Variants in UTRN observed in about 807,000 individuals in gnomAD.
The protein encoded by UTRN is utrophin, also known as dystrophin-related protein 1.
A neutral mutation model predicts 463.9 loss-of-function variants in UTRN; 283 were observed. The observed-to-expected ratio is 0.61, with a 90% confidence interval of 0.55 to 0.67. UTRN has a LOEUF of 0.67. Ranked by LOEUF, UTRN falls within the 30% of genes least tolerant of loss-of-function variation. The pLI is 0.00. For synonymous variants in UTRN, 1,442 were observed against 1,431.5 expected, an observed-to-expected ratio of 1.01 and a Z score of -0.17; for missense variants, 3,922 against 4,084.3, an observed-to-expected ratio of 0.96 and a Z score of 1.08.
intron 51 of UTRN, among the ~76,000 whole-genome samples, chr6:144,656,818 T>A (rs1350414819): frequency 6.6e-6 from 1 of 152,242 alleles, no homozygotes; most frequent in African/African-American, 2.4e-5. Flanking sequence ...GTTGCTTTCT[T>A]GTGTTTTAGT....
intron 55 of UTRN, among the ~76,000 whole-genome samples, chr6:144,749,257 G>T (rs1335874018): frequency 2.6e-5 from 4 of 152,106 alleles, no homozygotes; most frequent in Admixed American, 2.6e-4. Context: ...CTCATTGACA[G>T]TGTAGTCAGA....
At chr6:144,792,621 T>A (rs758875038) in intron 62 of UTRN, among the ~76,000 whole-genome samples, 19 of 152,168 alleles carry the variant, frequency 1.2e-4, no homozygotes, top group Non-Finnish European at 2.6e-4. Context: ...AGTTTTAGAA[T>A]CCAATAAATA....
intron 36 of UTRN, 100 bp downstream of exon 36, chr6:144,514,137 C>A: frequency 6.9e-7 from 1 of 1,453,142 alleles, no homozygotes. Flanking sequence ...CTCATTCCTC[C>A]CAAGCATTAG....
At chr6:144,344,286 G>T (rs1429178910) in intron 2 of UTRN, 5 of 1,303,980 alleles carry the variant, frequency 3.8e-6, no homozygotes, top group Non-Finnish European at 4.0e-6. Flanking sequence ...AGCTCTCCAG[G>T]CTTGCAAGCG....
chr6:144,555,352 C>G (rs1799280818), intron 49 of UTRN, among the ~76,000 whole-genome samples: 1 of 152,132 alleles, frequency 6.6e-6, no homozygotes, highest in African/African-American at 2.4e-5. Context: ...AACTTAAAAT[C>G]ATGGTGGAAG....
At chr6:144,753,933 C>T (rs1791684013) in intron 56 of UTRN, among the ~76,000 whole-genome samples, 1 of 151,968 alleles carries the variant, frequency 6.6e-6, no homozygotes. Flanking sequence ...CATTAATATG[C>T]CTGTACAAAC....
At position 144,320,211 on chromosome 6, in the gene UTRN, T is replaced by A. The variant is rs559714625; in HGVS notation, c.79+28304T>A. Among the ~76,000 whole-genome samples the A allele has an allele frequency of 1.3e-4, 20 of 152,370 alleles. No individual in the cohort carries two copies. The South Asian group carries it at 4.1e-3, about 32-fold the overall frequency. ...ACTCGGATAAAAATAATTATTCTAT[T>A]GTGTCTTAACAGATCGTTATAATTG... On this transcript the variant is annotated intron_variant, in intron 2 of 74. Coordinates refer to ENST00000367545, the MANE Select transcript of UTRN (RefSeq NM_007124.3).
intron 61 of UTRN, among the ~76,000 whole-genome samples, chr6:144,783,248 A>C (rs1352237297): frequency 6.6e-6 from 1 of 152,030 alleles, no homozygotes; most frequent in Non-Finnish European, 1.5e-5. Flanking sequence ...TCTCATGCCC[A>C]AAAAGTTATT....
At chr6:144,777,278 C>T (rs1749387546) in intron 60 of UTRN, among the ~76,000 whole-genome samples, 2 of 151,906 alleles carry the variant, frequency 1.3e-5, no homozygotes, top group Non-Finnish European at 2.9e-5. Flanking sequence ...TATAATACAG[C>T]AACAAAAATC....
intron 41 of UTRN, among the ~76,000 whole-genome samples, chr6:144,527,996 G>T (rs1796708441): frequency 1.4e-5 from 2 of 145,590 alleles, no homozygotes; most frequent in African/African-American, 5.1e-5. Context: ...CAGAGATTTT[G>T]TCCTGGTTTG....
At chr6:144,610,620 A>G (rs1490829638) in intron 51 of UTRN, among the ~76,000 whole-genome samples, 1 of 152,224 alleles carries the variant, frequency 6.6e-6, no homozygotes, top group Non-Finnish European at 1.5e-5. Context: ...TACGCCTGTA[A>G]TCCCAGCACT....
intron 2 of UTRN, among the ~76,000 whole-genome samples, chr6:144,370,193 C>A (rs1365754620): frequency 6.6e-6 from 1 of 152,170 alleles, no homozygotes; most frequent in Non-Finnish European, 1.5e-5. Flanking sequence ...CAGGGCATGT[C>A]AGAGGTCTTC....
intron 2 of UTRN, among the ~76,000 whole-genome samples, chr6:144,364,362 T>C (rs1779331549): frequency 6.6e-6 from 1 of 152,108 alleles, no homozygotes; most frequent in Non-Finnish European, 1.5e-5. Flanking sequence ...TGTTTCCCCC[T>C]GAGAGGTAAA....
chr6:144,636,521 T>C (rs1291455141), intron 51 of UTRN, among the ~76,000 whole-genome samples: 1 of 151,982 alleles, frequency 6.6e-6, no homozygotes, highest in East Asian at 1.9e-4. Flanking sequence ...TCTGCACATG[T>C]ATCCCAGGAC....
chr6:144,478,727 G>T (rs1791510167), intron 25 of UTRN, among the ~76,000 whole-genome samples: 1 of 152,186 alleles, frequency 6.6e-6, no homozygotes, highest in South Asian at 2.1e-4. Flanking sequence ...GCCCTGGCAG[G>T]GTGGCCACTA....
At chr6:144,754,436 C>T (rs1248940495) in intron 56 of UTRN, among the ~76,000 whole-genome samples, 1 of 151,528 alleles carries the variant, frequency 6.6e-6, no homozygotes, top group African/African-American at 2.4e-5. Context: ...TAAAAATAAC[C>T]TTTACAGTTA....
chr6:144,639,813 G>A (rs1777585206), intron 51 of UTRN, among the ~76,000 whole-genome samples: 1 of 152,114 alleles, frequency 6.6e-6, no homozygotes, highest in Non-Finnish European at 1.5e-5. Flanking sequence ...TTTCTATATG[G>A]AAGAGGGGCA....
chr6:144,373,507 G>T (rs1043582670), intron 2 of UTRN, among the ~76,000 whole-genome samples: 1 of 152,184 alleles, frequency 6.6e-6, no homozygotes, highest in Admixed American at 6.5e-5. Flanking sequence ...GGTTTATTAG[G>T]GCTCAGAGGC....
At chr6:144,769,385 C>T (rs1431016309) in intron 58 of UTRN, among the ~76,000 whole-genome samples, 3 of 151,990 alleles carry the variant, frequency 2.0e-5, no homozygotes, top group Admixed American at 6.5e-5. Flanking sequence ...TATTTATTTT[C>T]TGTGTTGGCA....
Sources: allele counts gnomAD v4.1 joint callset (sites outside exome capture counted in the v4.1 genomes callset), GRCh38; gene constraint gnomAD v4.1.1; transcripts MANE v1.5; gene names NCBI Gene and HGNC (gene_info 2026-07-23, HGNC 2026-07-21).